UBAC2: variants seen among roughly 807,000 people sequenced by gnomAD.
UBAC2 encodes the protein ubiquitin-associated domain-containing protein 2.
UBAC2 carries 26 observed loss-of-function variants against 44.0 expected under a neutral mutation model. The ratio of observed to expected loss-of-function variants is 0.59; its 90% CI spans 0.43 to 0.82. The LOEUF (loss-of-function observed/expected upper bound fraction) is 0.82. Ranked by LOEUF, UBAC2 falls within the 40% of genes least tolerant of loss-of-function variation. The probability of loss-of-function intolerance (pLI) is 0.00; values close to 1 mark genes in which losing one functional copy is unlikely to be tolerated. For synonymous variants in UBAC2, 155 were observed against 154.3 expected (o/e 1.00, Z -0.04); for missense variants, 329 against 419.4 (o/e 0.78, Z 1.88).
At chr13:99,201,969 A>G (rs951263140) in intron 1 of UBAC2, among the ~76,000 whole-genome samples, 33 of 148,212 alleles carry the variant, frequency 2.2e-4, no homozygotes, top group Non-Finnish European at 4.4e-5. Flanking sequence ...GCTACTCGGG[A>G]GGCTGAGGCA....
At chr13:99,267,237 G>A (rs2043755621) in intron 4 of UBAC2, among the ~76,000 whole-genome samples, 3 of 152,162 alleles carry the variant, frequency 2.0e-5, no homozygotes, top group Admixed American at 1.3e-4. Flanking sequence ...TTGTTGAGCT[G>A]TAGGAGCTCT....
chr13:99,285,433 C>T (rs770433042), intron 4 of UBAC2, among the ~76,000 whole-genome samples: 1 of 151,406 alleles, frequency 6.6e-6, no homozygotes, highest in Non-Finnish European at 1.5e-5. Flanking sequence ...TGCTCTGTCA[C>T]CCAGGCTGGA....
intron 4 of UBAC2, chr13:99,312,901 A>G (rs7325957): frequency 0.26 from 39,999 of 153,036 alleles, 6,047 homozygotes; most frequent in African/African-American, 0.42. Flanking sequence ...TCACATCTTT[A>G]TGAAGCATTT....
chr13:99,383,667 C>T (rs558184820), intron 8 of UBAC2, among the ~76,000 whole-genome samples: 1 of 152,380 alleles, frequency 6.6e-6, no homozygotes, highest in East Asian at 1.9e-4. Flanking sequence ...AGCAACGTTC[C>T]GGGGAGGAGC....
At chr13:99,307,096 G>A (rs1424561218) in intron 4 of UBAC2, among the ~76,000 whole-genome samples, 1 of 152,066 alleles carries the variant, frequency 6.6e-6, no homozygotes, top group Admixed American at 6.6e-5. Context: ...CATGAAGTGA[G>A]CCCTATTTTT....
At chr13:99,307,054 G>A (rs1010120981) in intron 4 of UBAC2, among the ~76,000 whole-genome samples, 4 of 152,002 alleles carry the variant, frequency 2.6e-5, no homozygotes, top group African/African-American at 9.7e-5. Context: ...GCTTGATACT[G>A]TCTTTTGTCA....
At chr13:99,230,566 C>G (rs903701975) in intron 1 of UBAC2, among the ~76,000 whole-genome samples, 11 of 152,196 alleles carry the variant, frequency 7.2e-5, no homozygotes, top group Non-Finnish European at 1.6e-4. Context: ...ATCAAGGTGT[C>G]AGCAGGGCTG....
chr13:99,351,693 A>T (rs1357357743), intron 7 of UBAC2: 6 of 456,618 alleles, frequency 1.3e-5, no homozygotes, highest in Non-Finnish European at 2.2e-5. Flanking sequence ...TTTCTGTAAA[A>T]TTTCCATCTA....
chr13:99,384,580 C>G (rs2045593785), intron 8 of UBAC2, among the ~76,000 whole-genome samples: 1 of 152,256 alleles, frequency 6.6e-6, no homozygotes, highest in Non-Finnish European at 1.5e-5. Flanking sequence ...CTGCCCCAGG[C>G]TCAGCCCCAC....
At chr13:99,339,327 C>T (rs1160278218) in intron 6 of UBAC2, among the ~76,000 whole-genome samples, 1 of 152,172 alleles carries the variant, frequency 6.6e-6, no homozygotes, top group Non-Finnish European at 1.5e-5. Flanking sequence ...AGAGTAGGTT[C>T]GTGCCCCATG....
At chr13:99,374,729 T>C (rs2045457690) in intron 8 of UBAC2, among the ~76,000 whole-genome samples, 1 of 152,180 alleles carries the variant, frequency 6.6e-6, no homozygotes, top group African/African-American at 2.4e-5. Flanking sequence ...GTGCTTCTGC[T>C]CTGAGTAGCC....
chr13:99,381,616 A>G (rs1372954031), intron 8 of UBAC2, among the ~76,000 whole-genome samples: 1 of 152,226 alleles, frequency 6.6e-6, no homozygotes, highest in Non-Finnish European at 1.5e-5. Flanking sequence ...TCCACCAATG[A>G]CAATGGTCCT....
At chr13:99,287,246 G>A (rs1056247182) in intron 4 of UBAC2, among the ~76,000 whole-genome samples, 4 of 152,060 alleles carry the variant, frequency 2.6e-5, no homozygotes, top group African/African-American at 7.2e-5. Context: ...AGATTTGCCA[G>A]TATCTCTACG....
chr13:99,306,688 A>G (rs1267057186), intron 4 of UBAC2, among the ~76,000 whole-genome samples: 1 of 152,218 alleles, frequency 6.6e-6, no homozygotes, highest in Admixed American at 6.5e-5. Context: ...CCTCAGGCAC[A>G]TAGAAAAGAT....
intron 6 of UBAC2, among the ~76,000 whole-genome samples, chr13:99,319,576 G>A (rs545054785): frequency 2.0e-5 from 3 of 152,248 alleles, no homozygotes; most frequent in East Asian, 3.9e-4. Context: ...TGATATGCTT[G>A]CAGCCAATAT....
intron 3 of UBAC2, 112 bp downstream of exon 3, chr13:99,244,063 T>G: frequency 2.2e-6 from 2 of 893,204 alleles, no homozygotes; most frequent in Non-Finnish European, 3.2e-6. Flanking sequence ...TCTTTTTAAT[T>G]ACACTATTCT....
At chr13:99,315,804 T>C (rs1305005546) in intron 5 of UBAC2, among the ~76,000 whole-genome samples, 1 of 152,146 alleles carries the variant, frequency 6.6e-6, no homozygotes, top group Non-Finnish European at 1.5e-5. Context: ...GTAAATGTAT[T>C]TCTTGTTTTG....
intron 4 of UBAC2, among the ~76,000 whole-genome samples, chr13:99,248,127 T>C (rs1054650874): frequency 2.6e-5 from 4 of 152,240 alleles, no homozygotes; most frequent in African/African-American, 9.6e-5. Flanking sequence ...ACTTTCTTGA[T>C]TTCAACTACA....
At chr13:99,268,781 C>T (rs775141601) in intron 4 of UBAC2, among the ~76,000 whole-genome samples, 57 of 151,850 alleles carry the variant, frequency 3.8e-4, no homozygotes, top group Non-Finnish European at 7.8e-4. Context: ...ACTAATATGC[C>T]CCTAGATGCC....
Sources: gnomAD v4.1 joint callset for allele counts (sites outside exome capture counted in the v4.1 genomes callset) on GRCh38, gnomAD v4.1.1 for gene constraint, MANE v1.5 for transcripts, NCBI Gene and HGNC (gene_info 2026-07-23, HGNC 2026-07-21) for gene names.